The following CLSTN2 variants were observed in gnomAD, a reference collection of about 807,000 sequenced individuals.
CLSTN2 encodes the protein calsyntenin 2, also known as calsyntenin-2.
In CLSTN2, 48 loss-of-function variants were observed where a neutral mutation model predicts 101.2. That is an observed-to-expected ratio of 0.47 (90% CI 0.38 to 0.60). CLSTN2 has a LOEUF of 0.60. Ranked by LOEUF, CLSTN2 falls within the 20% of genes least tolerant of loss-of-function variation. CLSTN2 has a pLI of 0.00. For missense variants in CLSTN2, 1,160 were observed against 1,238.2 expected (o/e 0.94, Z 0.95); for synonymous variants, 481 against 463.6 (o/e 1.04, Z -0.48).
chr3:139,962,900 G>C (rs1157222344), intron 1 of CLSTN2, among the ~76,000 whole-genome samples: 6 of 152,122 alleles, frequency 3.9e-5, no homozygotes. Context: ...TTTCCCATGG[G>C]TAAATACCTA....
intron 1 of CLSTN2, among the ~76,000 whole-genome samples, chr3:140,142,357 G>A (rs1050736497): frequency 1.6e-4 from 24 of 152,208 alleles, no homozygotes; most frequent in African/African-American, 5.3e-4. Context: ...CCCTTACCCT[G>A]AGATGAGGCT....
intron 8 of CLSTN2, among the ~76,000 whole-genome samples, chr3:140,531,585 TGAA>T (rs1935255579): frequency 6.6e-6 from 1 of 152,060 alleles, no homozygotes; most frequent in African/African-American, 2.4e-5. Context: ...AGAGGGAGCG[TGAA>T]GGAGAGTCCA....
intron 1 of CLSTN2, among the ~76,000 whole-genome samples, chr3:140,009,340 A>T (rs115806388): frequency 6.6e-6 from 1 of 152,194 alleles, no homozygotes; most frequent in African/African-American, 2.4e-5. Flanking sequence ...CAAGTAATTC[A>T]TGGGCATTTT....
intron 1 of CLSTN2, among the ~76,000 whole-genome samples, chr3:140,113,854 G>T (rs903606929): frequency 3.3e-5 from 5 of 152,186 alleles, no homozygotes; most frequent in African/African-American, 9.7e-5. Context: ...AATTGTGTGT[G>T]TGTATATATG....
At chr3:140,079,611 C>T (rs1450873639) in intron 1 of CLSTN2, among the ~76,000 whole-genome samples, 1 of 151,948 alleles carries the variant, frequency 6.6e-6, no homozygotes, top group Non-Finnish European at 1.5e-5. Flanking sequence ...ATTAGCCGGG[C>T]ATGGTGGCAC....
chr3:140,062,576 A>G (rs1419027927), intron 1 of CLSTN2, among the ~76,000 whole-genome samples: 2 of 152,214 alleles, frequency 1.3e-5, no homozygotes, highest in African/African-American at 2.4e-5. Context: ...CTGAGCAGGC[A>G]GAGCTGCAGA....
At chr3:140,357,809 C>T (rs945577599) in intron 2 of CLSTN2, among the ~76,000 whole-genome samples, 6 of 152,134 alleles carry the variant, frequency 3.9e-5, no homozygotes, top group African/African-American at 1.4e-4. Context: ...CCCAGGGTCA[C>T]CAATATGTTC....
In CLSTN2 at chr3:140,474,966, C is replaced by T. The variant is rs535259449; in HGVS notation, c.1344+8235C>T. ...TCAGTGGAAAGAAGCCCCCACTACA[C>T]GCAATGATAACCTTAACACCCTCTT... is the stretch of plus-strand genomic sequence containing the variant. On this transcript the variant is annotated intron_variant, in intron 8 of 16. Coordinates refer to ENST00000458420, the MANE Select transcript of CLSTN2 (RefSeq NM_022131.3). Among the ~76,000 whole-genome samples the T allele has an allele frequency of 9.3e-5, 12 of 128,914 alleles. 1 individual carries two copies. The highest frequency in any genetic ancestry group is 6.7e-4 in the South Asian group (3 of 4,458). The allele number at this position is 128,914 out of a possible 152,430, so 84.6% of individuals were successfully genotyped here.
intron 8 of CLSTN2, among the ~76,000 whole-genome samples, chr3:140,512,067 T>C (rs902257974): frequency 1.3e-5 from 2 of 152,136 alleles, no homozygotes; most frequent in African/African-American, 4.8e-5. Flanking sequence ...AATACAAAAA[T>C]GTTCTCCCAT....
intron 2 of CLSTN2, among the ~76,000 whole-genome samples, chr3:140,182,859 C>T (rs372396272): frequency 1.6e-4 from 24 of 152,296 alleles, no homozygotes; most frequent in African/African-American, 4.3e-4. Flanking sequence ...TGAAGATGGG[C>T]ATACACAGCT....
At position 140,419,586 on chromosome 3, in the gene CLSTN2, T is replaced by C. The variant is rs1041976489; in HGVS notation, c.638-1539T>C. Among the ~76,000 whole-genome samples the C allele has an allele frequency of 8.3e-5, 5 of 59,914 alleles. 2 individuals carry two copies. The highest frequency in any genetic ancestry group is 7.1e-4 in the African/African-American group (4 of 5,616). 39.3% of individuals were successfully genotyped at this position (59,914 alleles called of 152,430 possible). A position where few individuals can be genotyped will look rare whatever the true frequency, so the allele number is the denominator to read the frequency against. The stretch of plus-strand genomic sequence containing the variant: ...ATATGTATATATACATATATACGTG[T>C]ACGTATATATGTATATATACATATA... On this transcript the variant is annotated intron_variant, in intron 4 of 16. Transcript: ENST00000458420.
chr3:140,148,511 A>C (rs2009815118), intron 1 of CLSTN2, among the ~76,000 whole-genome samples: 1 of 152,182 alleles, frequency 6.6e-6, no homozygotes, highest in African/African-American at 2.4e-5. Context: ...TTTATTTTTC[A>C]TAATGACCCA....
rs994417399 is a variant in CLSTN2 at position 140,322,578 on chromosome 3, G to A, written c.233-81051G>A. On this transcript the variant is annotated intron_variant, in intron 2 of 16. Transcript: ENST00000458420. Reference sequence around the variant, plus strand: ...AGATGTCAATGTACTGAGTCTTTTAGAATAAGCCATTTGCTTTTATTTCTG... The same window carrying A: ...AGATGTCAATGTACTGAGTCTTTTAAAATAAGCCATTTGCTTTTATTTCTG... Among the ~76,000 whole-genome samples, 11 of 152,310 alleles carry A rather than the reference G, an allele frequency of 7.2e-5. 1 individual carries two copies. Among genetic ancestry groups the A allele is most frequent in the Admixed American group, 7.2e-4 (11 of 15,302 alleles).
intron 1 of CLSTN2, among the ~76,000 whole-genome samples, chr3:140,117,653 C>T (rs1461368620): frequency 2.6e-5 from 4 of 152,162 alleles, no homozygotes; most frequent in Non-Finnish European, 5.9e-5. Flanking sequence ...ATGGAAATTG[C>T]AATAACCACA....
intron 1 of CLSTN2, among the ~76,000 whole-genome samples, chr3:139,983,444 A>G (rs928464023): frequency 3.3e-5 from 5 of 152,186 alleles, no homozygotes; most frequent in Non-Finnish European, 4.4e-5. Flanking sequence ...ATTCACTATC[A>G]TAAGGTTTAC....
At chr3:140,429,013 G>A (rs189243986) in intron 5 of CLSTN2, among the ~76,000 whole-genome samples, 30 of 152,188 alleles carry the variant, frequency 2.0e-4, no homozygotes, top group Non-Finnish European at 2.1e-4. Context: ...AAGACCATGC[G>A]GAAAATACTT....
rs560086577 is a variant in CLSTN2 at position 140,257,501 on chromosome 3, T to C, written c.232+81428T>C. Among the ~76,000 whole-genome samples, 4 of 152,026 alleles carry C rather than the reference T, an allele frequency of 2.6e-5. No homozygotes were observed. The South Asian group carries it at 8.3e-4, about 32-fold the overall frequency. On this transcript the variant is annotated intron_variant, in intron 2 of 16. Coordinates refer to ENST00000458420, the MANE Select transcript of CLSTN2 (RefSeq NM_022131.3). ...TAGAGAAGAAAATTTAAATAACCAG[T>C]ATTTTCACTGGGAAAGAGCAGTAAG...
At chr3:140,354,135 A>G (rs907097028) in intron 2 of CLSTN2, among the ~76,000 whole-genome samples, 1 of 152,172 alleles carries the variant, frequency 6.6e-6, no homozygotes, top group African/African-American at 2.4e-5. Context: ...GGGATGGAGG[A>G]TGTAAGGCCA....
At chr3:140,227,284 T>C (rs2086330621) in intron 2 of CLSTN2, among the ~76,000 whole-genome samples, 2 of 152,184 alleles carry the variant, frequency 1.3e-5, no homozygotes, top group Admixed American at 1.3e-4. Flanking sequence ...ACAAAGGGGC[T>C]ACAGGCTCCA....
Sources: gnomAD v4.1 joint callset for allele counts (sites outside exome capture counted in the v4.1 genomes callset) on GRCh38, gnomAD v4.1.1 for gene constraint, MANE v1.5 for transcripts, NCBI Gene and HGNC (gene_info 2026-07-23, HGNC 2026-07-21) for gene names.